SERBP1: variants seen among roughly 807,000 people sequenced by gnomAD.
The protein encoded by SERBP1 is SERPINE1 mRNA binding protein 1, also known as SERPINE1 mRNA-binding protein 1.
Under a neutral mutation model 50.2 loss-of-function variants are expected in SERBP1, and 6 were observed. The ratio of observed to expected loss-of-function variants is 0.12; its 90% CI spans 0.07 to 0.24. The LOEUF (loss-of-function observed/expected upper bound fraction) is 0.24. Ranked by LOEUF, SERBP1 falls within the 10% of genes least tolerant of loss-of-function variation. The probability of loss-of-function intolerance (pLI) is 1.00; values close to 1 mark genes in which losing one functional copy is unlikely to be tolerated. For synonymous variants in SERBP1, 168 were observed against 182.8 expected (o/e 0.92, Z 0.65); for missense variants, 346 against 524.9 (o/e 0.66, Z 3.33).
intron 7 of SERBP1, among the ~76,000 whole-genome samples, chr1:67,414,081 C>T (rs894121581): frequency 6.6e-6 from 1 of 152,178 alleles, no homozygotes; most frequent in African/African-American, 2.4e-5. Flanking sequence ...TGAGGCAGTG[C>T]GCCCAGCCCA....
intron 4 of SERBP1, 171 bp from the exon 5 acceptor site, chr1:67,424,448 A>G (rs1330070220): frequency 3.8e-6 from 3 of 789,830 alleles, no homozygotes; most frequent in African/African-American, 1.8e-5. Flanking sequence ...ACTCCCCAGA[A>G]GACGTCGAAA....
At chr1:67,424,767 G>A (rs560287340) in intron 4 of SERBP1, 121 bp downstream of exon 4, 3 of 756,058 alleles carry the variant, frequency 4.0e-6, no homozygotes, top group African/African-American at 3.5e-5. Context: ...ACATTATCTT[G>A]TAATATAGTA....
At chr1:67,428,056 A>T (rs1305728149) in intron 1 of SERBP1, among the ~76,000 whole-genome samples, 3 of 152,230 alleles carry the variant, frequency 2.0e-5, no homozygotes, top group African/African-American at 7.2e-5. Context: ...TAACCTTCCT[A>T]CTACATGCAG....
rs1412458965 is a variant in SERBP1 at position 67,412,972 on chromosome 1, A to G, written c.*235T>C. 1.9e-6 allele frequency: 1 copy of G among 538,532 alleles called. No homozygotes were observed. Among genetic ancestry groups the G allele is most frequent in the Non-Finnish European group, 3.2e-6 (1 of 311,438 alleles). The allele number at this position is 538,532 out of a possible 1,614,324, so 33.4% of individuals were successfully genotyped here. On this transcript the variant is annotated 3_prime_UTR_variant, in exon 8 of 8. Transcript: ENST00000361219. ...GAATGCATAATCTCTGAAAATTATG[A>G]AAACATCCCTGCTACCAATACATTT...
At chr1:67,422,948 C>T (rs928794359) in intron 5 of SERBP1, among the ~76,000 whole-genome samples, 1 of 143,884 alleles carries the variant, frequency 7.0e-6, no homozygotes, top group Admixed American at 7.3e-5. Flanking sequence ...GGCAACAGAG[C>T]GAGAATGTCT....
At chr1:67,419,642 C>T (rs1396534561) in intron 6 of SERBP1, 1 of 210,018 alleles carries the variant, frequency 4.8e-6, no homozygotes, top group Non-Finnish European at 9.5e-6. Context: ...AGATTTCAAC[C>T]TAACACCATA....
chr1:67,420,701 T>TA (rs1667172481), intron 5 of SERBP1: 1 of 152,508 alleles, frequency 6.6e-6, no homozygotes, highest in Middle Eastern at 3.4e-3. Flanking sequence ...AACTAGCACT[T>TA]AGAGCAAATC....
intron 1 of SERBP1, chr1:67,429,691 C>T: frequency 3.4e-6 from 1 of 298,024 alleles, no homozygotes; most frequent in Non-Finnish European, 6.2e-6. Flanking sequence ...AAGGCAACAG[C>T]CTCCCAGGAC....
At chr1:67,426,587 G>C (rs1037778891) in intron 1 of SERBP1, among the ~76,000 whole-genome samples, 1 of 152,122 alleles carries the variant, frequency 6.6e-6, no homozygotes, top group East Asian at 1.9e-4. Flanking sequence ...TTCTATAACT[G>C]ACTTGGAAAT....
chr1:67,416,427 A>G (rs1667014101), intron 6 of SERBP1, among the ~76,000 whole-genome samples: 1 of 152,228 alleles, frequency 6.6e-6, no homozygotes, highest in Non-Finnish European at 1.5e-5. Flanking sequence ...ACAATTCTAT[A>G]CTGCTTCATG....
chr1:67,421,319 G>A (rs1667190090), intron 5 of SERBP1, among the ~76,000 whole-genome samples: 1 of 152,120 alleles, frequency 6.6e-6, no homozygotes, highest in Non-Finnish European at 1.5e-5. Context: ...TCATATCATG[G>A]AGGCATGACA....
chr1:67,430,360 CGCCTGCT>C lies in SERBP1; in HGVS notation c.-67_-61del. ...GCAGCGGGCCGCGCCGAGCCAAGAG[CGCCTGCT>C]TCAGCTCTTCCCACAAGATGGCCGG... On this transcript the variant is annotated 5_prime_UTR_variant, in exon 1 of 8. Transcript: ENST00000361219. 6.8e-7 allele frequency: 1 copy of C among 1,474,166 alleles called. No homozygotes were observed. Among genetic ancestry groups the C allele is most frequent in the Non-Finnish European group, 9.0e-7 (1 of 1,105,632 alleles). The allele number at this position is 1,474,166 out of a possible 1,614,324, so 91.3% of individuals were successfully genotyped here. A position where few individuals can be genotyped will look rare whatever the true frequency, so the allele number is the denominator to read the frequency against.
chr1:67,415,994 A>AAATGTGTC (rs974161233), intron 6 of SERBP1, among the ~76,000 whole-genome samples: 1 of 151,198 alleles, frequency 6.6e-6, no homozygotes, highest in African/African-American at 2.4e-5. Context: ...ACCACACCTT[A>AAATGTGTC]AATGTGTCAC....
rs1196571122 is a variant in SERBP1 at position 67,429,987 on chromosome 1, C to T, written c.313+1G>A. The T allele has an allele frequency of 6.2e-7, 1 of 1,604,272 alleles. No homozygotes were observed. The highest frequency in any genetic ancestry group is 8.5e-7 in the Non-Finnish European group (1 of 1,175,446). ...TCCCCCACATTCTGCCCCTGCTTTA[C>T]CTTCTTTCTTAAGCGCCACGGGCGG... On this transcript the variant is annotated splice_donor_variant, in intron 1 of 7. Coordinates refer to ENST00000361219, the MANE Select transcript of SERBP1 (RefSeq NM_001018069.2). LOFTEE classifies it high-confidence loss of function.
chr1:67,417,420 A>C (rs1175556514), intron 6 of SERBP1: 1 of 152,210 alleles, frequency 6.6e-6, no homozygotes, highest in Admixed American at 6.5e-5. Flanking sequence ...AGCATCTGAA[A>C]ATTTTAATAT....
intron 6 of SERBP1, among the ~76,000 whole-genome samples, chr1:67,416,352 G>A (rs1367071798): frequency 3.9e-5 from 6 of 152,212 alleles, no homozygotes; most frequent in Non-Finnish European, 8.8e-5. Context: ...GTGAAATCCA[G>A]ATCCTCTTTT....
chr1:67,429,460 T>G (rs1352345003), intron 1 of SERBP1: 1 of 152,592 alleles, frequency 6.6e-6, no homozygotes, highest in East Asian at 1.9e-4. Context: ...ACACGTCTGA[T>G]GGCCTGGAAC....
At position 67,430,391 on chromosome 1, in the gene SERBP1, G is replaced by A. The variant is rs1667541370; in HGVS notation, c.-91C>T. 2.9e-6 allele frequency: 4 copies of A among 1,365,570 alleles called. No homozygotes were observed. In the African/African-American group the frequency reaches 4.4e-5, roughly 15 times the overall value. 84.6% of individuals were successfully genotyped at this position (1,365,570 alleles called of 1,614,324 possible). ...CTTCAGCTCTTCCCACAAGATGGCC[G>A]GGCCGAGAGAGGGGGGCCGTCTTCT... On this transcript the variant is annotated 5_prime_UTR_variant, in exon 1 of 8. Coordinates refer to ENST00000361219, the MANE Select transcript of SERBP1 (RefSeq NM_001018069.2).
intron 6 of SERBP1, 37 bp downstream of exon 6, chr1:67,419,972 T>G: frequency 6.4e-7 from 1 of 1,573,332 alleles, no homozygotes; most frequent in Non-Finnish European, 8.7e-7. Flanking sequence ...TCAAGTCACA[T>G]CTGAACATTT....
Sources: gnomAD v4.1 joint callset for allele counts (sites outside exome capture counted in the v4.1 genomes callset) on GRCh38, gnomAD v4.1.1 for gene constraint, MANE v1.5 for transcripts, NCBI Gene and HGNC (gene_info 2026-07-23, HGNC 2026-07-21) for gene names.